Variants in CHD5 observed in about 807,000 individuals in gnomAD.
CHD5 encodes chromodomain helicase DNA binding protein 5, also known as ATP-dependent chromatin remodeler CHD5.
In CHD5, 69 loss-of-function variants were observed where a neutral mutation model predicts 230.3. The observed-to-expected ratio is 0.30, with a 90% confidence interval of 0.25 to 0.37. The LOEUF is 0.37. Among genes scored for constraint, CHD5 ranks in the 10% least tolerant of loss-of-function variants. The pLI is 1.00. For missense variants in CHD5, 1,827 were observed against 2,622.8 expected (o/e 0.70, Z 6.63); for synonymous variants, 1,064 against 1,065.9 (o/e 1.00, Z 0.03).
chr1:6,170,450 G>C (rs1487995077), intron 1 of CHD5, among the ~76,000 whole-genome samples: 1 of 152,190 alleles, frequency 6.6e-6, no homozygotes, highest in Non-Finnish European at 1.5e-5. Flanking sequence ...TCTGGTGGCT[G>C]AGCGGACGCC....
intron 2 of CHD5, 49 bp from the exon 3 acceptor site, chr1:6,159,564 C>T: frequency 6.5e-7 from 1 of 1,530,730 alleles, no homozygotes; most frequent in Non-Finnish European, 8.9e-7. Flanking sequence ...CAGGAACATC[C>T]AGAGTCCTGG....
intron 33 of CHD5, among the ~76,000 whole-genome samples, chr1:6,118,017 A>C (rs1666404086): frequency 6.6e-6 from 1 of 152,250 alleles, no homozygotes; most frequent in African/African-American, 2.4e-5. Context: ...AAGTGGAAAC[A>C]ACTCAAATGT....
In CHD5 at chr1:6,134,787, C is replaced by A; in HGVS notation, c.2943G>T (p.Ser981=). 1 of 1,614,048 alleles carries A rather than the reference C, an allele frequency of 6.2e-7. No homozygotes were observed. The highest frequency in any genetic ancestry group is 8.5e-7 in the Non-Finnish European group (1 of 1,179,950). ...LNSKGGGNQV[S]LLNIMMDLKK... Reference sequence around the variant, plus strand: ...TCAGGTCCATCATGATGTTGAGCAGCGATACTTGGTTCCCGCCCCCCTTGG... The same window carrying A: ...TCAGGTCCATCATGATGTTGAGCAGAGATACTTGGTTCCCGCCCCCCTTGG... Residue 981 remains serine, a synonymous_variant, in exon 19 of 42, where the codon TCG becomes TCT. Transcript: ENST00000262450. The surrounding 1 kb of genome is among the most constrained non-coding windows in gnomAD (Gnocchi z 6.3).
In CHD5 at chr1:6,167,569, G is replaced by T. The variant is rs1262301069; in HGVS notation, c.207+581C>A. Among the ~76,000 whole-genome samples the T allele has an allele frequency of 1.3e-5, 2 of 152,178 alleles. No homozygotes were observed. The highest frequency in any genetic ancestry group is 2.4e-5 in the African/African-American group (1 of 41,432). ...GATCATGAGGATCAAGTGAGCCCGC[G>T]TGAAGCACAGAGAAGCACACTCGGA... On this transcript the variant is annotated intron_variant, in intron 2 of 41. Transcript: ENST00000262450. The surrounding 1 kb of genome is among the most constrained non-coding windows in gnomAD (Gnocchi z 4.5).
chr1:6,128,751 C>A lies in CHD5; in HGVS notation c.3619+87G>T. On this transcript the variant is annotated intron_variant, in intron 23 of 41. Coordinates refer to ENST00000262450, the MANE Select transcript of CHD5 (RefSeq NM_015557.3). This position sits in a 1 kb window ranked among gnomAD's most constrained non-coding sequence, Gnocchi z 7.8. ...GCAGAAGAGAGGCTGTGTGTTGGAG[C>A]GGGCAGGGACCCAAGCAAGCCCTGG... is the stretch of plus-strand genomic sequence containing the variant. 7.8e-7 allele frequency: 1 copy of A among 1,289,232 alleles called. No individual in the cohort carries two copies. Among genetic ancestry groups the A allele is most frequent in the Non-Finnish European group, 1.1e-6 (1 of 905,790 alleles). 79.9% of individuals were successfully genotyped at this position (1,289,232 alleles called of 1,614,324 possible).
At chr1:6,159,258 C>CACAG in intron 3 of CHD5, 78 bp downstream of exon 3, 1 of 1,496,468 alleles carries the variant, frequency 6.7e-7, no homozygotes, top group Non-Finnish European at 9.0e-7. Context: ...CACACACACA[C>CACAG]AGAACATACA....
In CHD5 at chr1:6,106,599, C is replaced by T; in HGVS notation, c.5742+17G>A. 1 of 1,556,644 alleles carries T rather than the reference C, an allele frequency of 6.4e-7. No individual in the cohort carries two copies. Among genetic ancestry groups the T allele is most frequent in the Non-Finnish European group, 8.7e-7 (1 of 1,151,026 alleles). Reference sequence around the variant, plus strand: ...ACGCCAGGGGGCTCGGGCCGGGGCACACAGGCCGAGCCTGACCTGCTGGAT... The same window carrying T: ...ACGCCAGGGGGCTCGGGCCGGGGCATACAGGCCGAGCCTGACCTGCTGGAT... On this transcript the variant is annotated intron_variant, in intron 39 of 41. Transcript: ENST00000262450.
rs371113873 is a variant in CHD5, at chr1:6,144,137, A to G, written c.1821T>C (p.Asp607=). The change falls in exon 12 of 42, where the codon GAT becomes GAC. Residue 607 remains aspartate (D), a synonymous_variant. Transcript: ENST00000262450. ...CTTTCCACTTGATCAGGTAGTGCACATCCCCCTTCTTGTCAAAGCTGCAAC... is the reference window on the plus strand; with the variant it reads ...CTTTCCACTTGATCAGGTAGTGCACGTCCCCCTTCTTGTCAAAGCTGCAAC... ...ILNHSFDKKG[D]VHYLIKWKDL... 6.2e-7 allele frequency: 1 copy of G among 1,614,180 alleles called. No individual in the cohort carries two copies. The highest frequency in any genetic ancestry group is 1.6e-4 in the Middle Eastern group (1 of 6,062).
chr1:6,120,343 G>T (rs1370927922), intron 33 of CHD5, among the ~76,000 whole-genome samples: 2 of 152,008 alleles, frequency 1.3e-5, no homozygotes, highest in Non-Finnish European at 2.9e-5. Flanking sequence ...TAAAAAAGTA[G>T]CCCAATCACC....
In CHD5 at chr1:6,151,163, G is replaced by C; in HGVS notation, c.871-8C>G. On this transcript the variant is annotated splice_polypyrimidine_tract_variant and splice_region_variant and intron_variant, in intron 6 of 41. Coordinates refer to ENST00000262450, the MANE Select transcript of CHD5 (RefSeq NM_015557.3). ...CCTCTCATCTTCTTCACTCTGCAGG[G>C]GAAGACAGGGTCCTGTGATCCCAGG... The C allele has an allele frequency of 6.2e-7, 1 of 1,601,422 alleles. No individual in the cohort carries two copies. The highest frequency in any genetic ancestry group is 8.5e-7 in the Non-Finnish European group (1 of 1,173,004).
Position 6,121,158 on chromosome 1 carries a change from T to A in CHD5, c.4859A>T (p.Glu1620Val), listed in dbSNP as rs761021667. 32 of 1,613,704 alleles carry A rather than the reference T, an allele frequency of 2.0e-5. No homozygotes were observed. The highest frequency in any genetic ancestry group is 2.4e-5 in the Non-Finnish European group (28 of 1,179,904). The change falls in exon 33 of 42, where the codon GAG (glutamate) becomes GTG (valine). Residue 1620 changes from glutamate to valine, a missense_variant. This residue lies in a region of CHD5 where 272 missense variants were observed against 263.2 expected (regional missense o/e 1.03). Transcript: ENST00000262450. This position sits in a 1 kb window ranked among gnomAD's most constrained non-coding sequence, Gnocchi z 4.5. ...GGCCTTCTCCGTCTCCTCTGGCCGC[T>A]CCTCTCGGGCTCTCTCCTTGCTGGC... ...SPASKERARE[E>V]RPEETEKAPP...
intron 11 of CHD5, among the ~76,000 whole-genome samples, chr1:6,145,340 C>G (rs899521028): frequency 6.6e-6 from 1 of 152,358 alleles, no homozygotes; most frequent in East Asian, 1.9e-4. Flanking sequence ...GCCAGAAGCA[C>G]TGAGTGTCAG....
chr1:6,166,336 G>A lies in CHD5; in HGVS notation c.207+1814C>T, dbSNP rs1667254468. ...TGCTGCACAGGCTCTGGACCAGGGG[G>A]CCGTGGGGCACAGTCAGAGCACACT... On this transcript the variant is annotated intron_variant, in intron 2 of 41. Transcript: ENST00000262450. 2.0e-5 allele frequency among the ~76,000 whole-genome samples: 3 copies of A among 151,956 alleles called. No homozygotes were observed. In the South Asian group the frequency reaches 6.2e-4, roughly 32 times the overall value.
intron 11 of CHD5, among the ~76,000 whole-genome samples, chr1:6,144,803 G>A (rs540019098): frequency 2.0e-5 from 3 of 152,320 alleles, no homozygotes; most frequent in Admixed American, 6.5e-5. Context: ...CAGCAGTGCC[G>A]AGGAGGCACA....
At chr1:6,106,187 C>T in intron 41 of CHD5, 47 bp downstream of exon 41, 1 of 1,557,558 alleles carries the variant, frequency 6.4e-7, no homozygotes, top group Non-Finnish European at 8.8e-7. Context: ...GCCTGGTTTG[C>T]CAGCAATGGG....
chr1:6,128,599 A>T lies in CHD5; in HGVS notation c.3630T>A (p.Ser1210=). The part of the protein sequence containing the change: ...LFKDDVEGMM[S]QGQRPVTPIP... The stretch of plus-strand genomic sequence containing the variant: ...TGGGTGTGACCGGCCTCTGGCCCTG[A>T]GACATCATGCCTGTCAGACAGAGAA... Residue 1210 remains serine (S), a synonymous_variant, in exon 24 of 42, where the codon TCT becomes TCA. Coordinates refer to ENST00000262450, the MANE Select transcript of CHD5 (RefSeq NM_015557.3). This position sits in a 1 kb window ranked among gnomAD's most constrained non-coding sequence, Gnocchi z 7.8. 6.2e-7 allele frequency: 1 copy of T among 1,612,918 alleles called. No homozygotes were observed. Among genetic ancestry groups the T allele is most frequent in the Non-Finnish European group, 8.5e-7 (1 of 1,178,950 alleles).
intron 1 of CHD5, among the ~76,000 whole-genome samples, chr1:6,175,273 T>C (rs1223224544): frequency 4.1e-5 from 6 of 147,916 alleles, no homozygotes; most frequent in Admixed American, 4.0e-4. Context: ...GATGGATGGA[T>C]GGATGCATGG....
intron 1 of CHD5, among the ~76,000 whole-genome samples, chr1:6,177,709 G>A (rs955085407): frequency 1.3e-5 from 2 of 152,168 alleles, no homozygotes; most frequent in Non-Finnish European, 2.9e-5. Flanking sequence ...CATAACATTC[G>A]AGCTGGGACC....
Position 6,124,013 on chromosome 1 carries a change from G to A in CHD5, c.4634C>T (p.Ser1545Leu), listed in dbSNP as rs201559496. 1.4e-5 allele frequency: 22 copies of A among 1,612,444 alleles called. No individual in the cohort carries two copies. The highest frequency in any genetic ancestry group is 5.3e-5 in the African/African-American group (4 of 74,970). Residue 1545 changes from serine (S) to leucine (L), a missense_variant, in exon 31 of 42, where the codon TCG (serine) becomes TTG (leucine). Physicochemically the swap from Ser to Leu is moderately radical, Grantham distance 145. Around this residue, in one of 14 missense-constraint regions of CHD5, gnomAD observed 272 missense variants for 263.2 expected, o/e 1.03. Transcript: ENST00000262450. ...EGKKSGEVIS[S>L]DPNTPVPASP... ...GGCGGGCACTGGTGTGTTGGGGTCC[G>A]AGGAGATCACCTCGCCCGACTTCTT...
Sources: allele counts gnomAD v4.1 joint callset (sites outside exome capture counted in the v4.1 genomes callset), GRCh38; gene constraint gnomAD v4.1.1; regional missense constraint gnomAD v4.1.1; non-coding constraint Gnocchi (gnomAD v3.1); transcripts MANE v1.5; gene names NCBI Gene and HGNC (gene_info 2026-07-23, HGNC 2026-07-21).